The following CDK15 variants were observed in gnomAD, a reference collection of about 807,000 sequenced individuals.
CDK15 encodes the protein cyclin-dependent kinase 15.
Under a neutral mutation model 60.3 loss-of-function variants are expected in CDK15, and 62 were observed. The ratio of observed to expected loss-of-function variants is 1.03; its 90% CI spans 0.84 to 1.27. The LOEUF (loss-of-function observed/expected upper bound fraction) is 1.27, where lower values mean the gene tolerates loss of function less well. CDK15 is among the 50% of genes most tolerant of loss of function. The pLI, the probability that CDK15 is intolerant of heterozygous loss-of-function variation, is 0.00. For missense variants in CDK15, 541 were observed against 527.8 expected, an observed-to-expected ratio of 1.03 and a Z score of -0.25; for synonymous variants, 194 against 195.7, an observed-to-expected ratio of 0.99 and a Z score of 0.07.
chr2:201,850,797 C>T (rs1053332465), intron 9 of CDK15, among the ~76,000 whole-genome samples: 1 of 152,198 alleles, frequency 6.6e-6, no homozygotes, highest in Non-Finnish European at 1.5e-5. Context: ...CTTGCCAACA[C>T]CTCTTTCATC....
chr2:201,824,978 C>T (rs929192000), intron 6 of CDK15: 1 of 193,546 alleles, frequency 5.2e-6, no homozygotes, highest in Non-Finnish European at 9.8e-6. Flanking sequence ...GGAAATTTAT[C>T]TTAAGATACT....
At chr2:201,835,869 T>TAAAAA in intron 8 of CDK15, 106 bp downstream of exon 8, 1 of 465,224 alleles carries the variant, frequency 2.1e-6, no homozygotes, top group Non-Finnish European at 2.9e-6. Context: ...CACGTATATA[T>TAAAAA]TTTTATATAT....
At chr2:201,880,506 G>T (rs559699162) in intron 12 of CDK15, among the ~76,000 whole-genome samples, 1 of 152,348 alleles carries the variant, frequency 6.6e-6, no homozygotes, top group Admixed American at 6.5e-5. Flanking sequence ...CATCTGCCAG[G>T]AAGCCACACC....
chr2:201,831,154 G>A (rs1696733898), intron 6 of CDK15, among the ~76,000 whole-genome samples: 1 of 152,168 alleles, frequency 6.6e-6, no homozygotes, highest in South Asian at 2.1e-4. Flanking sequence ...TGTGACCAAG[G>A]AAGACAGGGT....
chr2:201,889,542 G>C, intron 12 of CDK15: 1 of 510,176 alleles, frequency 2.0e-6, no homozygotes, highest in Non-Finnish European at 2.5e-6. Context: ...TAAGCCCCTT[G>C]CAATGTCAAC....
intron 4 of CDK15, among the ~76,000 whole-genome samples, chr2:201,814,637 T>A (rs1475628757): frequency 6.6e-6 from 1 of 151,988 alleles, no homozygotes; most frequent in African/African-American, 2.4e-5. Flanking sequence ...ACAGCTGGAG[T>A]TCATTAGCTA....
At chr2:201,888,367 T>A in intron 12 of CDK15, 5 of 1,488,688 alleles carry the variant, frequency 3.4e-6, no homozygotes, top group Non-Finnish European at 4.4e-6. Flanking sequence ...TCTAAAAGTT[T>A]TAAATAAACT....
At chr2:201,836,727 G>T (rs1457851826) in intron 8 of CDK15, among the ~76,000 whole-genome samples, 1 of 150,576 alleles carries the variant, frequency 6.6e-6, no homozygotes, top group Non-Finnish European at 1.5e-5. Context: ...GTGTGTGCAC[G>T]TGCATGTGCA....
chr2:201,854,828 C>T (rs1285258540), intron 9 of CDK15, 46 bp from the exon 10 acceptor site: 13 of 1,552,848 alleles, frequency 8.4e-6, no homozygotes, highest in Non-Finnish European at 9.8e-6. Flanking sequence ...CCATCCACCT[C>T]ATCTCCCCAC....
At chr2:201,866,825 T>C (rs1698650262) in intron 10 of CDK15, among the ~76,000 whole-genome samples, 1 of 152,210 alleles carries the variant, frequency 6.6e-6, no homozygotes, top group African/African-American at 2.4e-5. Flanking sequence ...CCTCAGGTTA[T>C]CTGCCTGAGT....
chr2:201,867,283 A>C (rs72928873), intron 10 of CDK15, among the ~76,000 whole-genome samples: 2 of 152,264 alleles, frequency 1.3e-5, no homozygotes, highest in Non-Finnish European at 2.9e-5. Flanking sequence ...GCTAGACCAA[A>C]GGTCCTCTGC....
At chr2:201,879,693 T>A (rs551467327) in intron 11 of CDK15, among the ~76,000 whole-genome samples, 2 of 152,192 alleles carry the variant, frequency 1.3e-5, no homozygotes, top group Non-Finnish European at 2.9e-5. Flanking sequence ...GGCTGCAGTG[T>A]TCCTCCAAAA....
chr2:201,841,264 G>C (rs1361604101), intron 8 of CDK15, among the ~76,000 whole-genome samples: 2 of 152,160 alleles, frequency 1.3e-5, no homozygotes, highest in African/African-American at 4.8e-5. Flanking sequence ...ATGAATAAGT[G>C]TTTCATGAAT....
chr2:201,880,187 C>T lies in CDK15; in HGVS notation c.1198+20C>T, dbSNP rs1450729656. 8 of 1,612,736 alleles carry T rather than the reference C, an allele frequency of 5.0e-6. No homozygotes were observed. The highest frequency in any genetic ancestry group is 1.7e-5 in the Admixed American group (1 of 59,880). ...CTGATGGTGAGCGAGGGAGTGTGTG[C>T]GTGTGCGTGAGTGCATGTGCGTGAG... On this transcript the variant is annotated intron_variant, in intron 12 of 13. Coordinates refer to ENST00000652192, the MANE Select transcript of CDK15 (RefSeq NM_001366386.2).
chr2:201,857,841 A>G (rs147699179), intron 10 of CDK15, among the ~76,000 whole-genome samples: 2,228 of 152,102 alleles, frequency 0.015, 25 homozygotes, highest in Non-Finnish European at 0.025. Flanking sequence ...GCCACCCCCT[A>G]CCCATCCCCA....
chr2:201,840,384 A>C (rs945334594), intron 8 of CDK15, among the ~76,000 whole-genome samples: 2 of 152,032 alleles, frequency 1.3e-5, no homozygotes, highest in African/African-American at 4.8e-5. Flanking sequence ...GGTGTGTTGA[A>C]CTCATTCACT....
intron 6 of CDK15, among the ~76,000 whole-genome samples, chr2:201,831,288 G>T (rs1696741512): frequency 6.6e-6 from 1 of 152,134 alleles, no homozygotes; most frequent in African/African-American, 2.4e-5. Context: ...ATTGGTTTTT[G>T]AGTAACTCCT....
intron 3 of CDK15, among the ~76,000 whole-genome samples, chr2:201,809,387 A>G (rs748692710): frequency 6.6e-6 from 1 of 152,074 alleles, no homozygotes; most frequent in Non-Finnish European, 1.5e-5. Context: ...GGGAATTTAT[A>G]TTGTATATTC....
chr2:201,854,654 G>A, intron 9 of CDK15: 1 of 539,292 alleles, frequency 1.9e-6, no homozygotes, highest in South Asian at 2.7e-5. Flanking sequence ...AAGAATGCAG[G>A]CCCCGGACCA....
Sources: allele counts gnomAD v4.1 joint callset (sites outside exome capture counted in the v4.1 genomes callset), GRCh38; gene constraint gnomAD v4.1.1; transcripts MANE v1.5; gene names NCBI Gene and HGNC (gene_info 2026-07-23, HGNC 2026-07-21).